Variants in MAN1A2 observed in about 807,000 individuals in gnomAD.
The protein encoded by MAN1A2 is mannosidase alpha class 1A member 2.
MAN1A2 carries 26 observed loss-of-function variants against 75.7 expected under a neutral mutation model. The observed-to-expected ratio is 0.34, with a 90% CI of 0.25 to 0.48. The LOEUF is 0.48. Among genes scored for constraint, MAN1A2 ranks in the 20% least tolerant of loss-of-function variants. The pLI is 0.99. For synonymous variants in MAN1A2, 247 were observed against 264.6 expected, an observed-to-expected ratio of 0.93 and a Z score of 0.65; for missense variants, 562 against 775.5, an observed-to-expected ratio of 0.72 and a Z score of 3.27.
intron 3 of MAN1A2, among the ~76,000 whole-genome samples, chr1:117,406,692 T>G (rs1647627843): frequency 6.6e-6 from 1 of 152,192 alleles, no homozygotes. Context: ...TCAGCCATTA[T>G]GTAATGAAAT....
chr1:117,443,879 T>C (rs1437372488), intron 6 of MAN1A2, among the ~76,000 whole-genome samples: 3 of 152,036 alleles, frequency 2.0e-5, no homozygotes, highest in Non-Finnish European at 4.4e-5. Flanking sequence ...CGATTATAGG[T>C]GTGAGCCACT....
chr1:117,473,817 G>C (rs1650233696), intron 8 of MAN1A2, among the ~76,000 whole-genome samples: 2 of 151,944 alleles, frequency 1.3e-5, no homozygotes, highest in Admixed American at 1.3e-4. Flanking sequence ...ATGTTTTATA[G>C]ATTTCTTCCA....
At chr1:117,475,020 T>C (rs574286752) in intron 8 of MAN1A2, among the ~76,000 whole-genome samples, 1 of 152,104 alleles carries the variant, frequency 6.6e-6, no homozygotes, top group South Asian at 2.1e-4. Flanking sequence ...ATATCAGTAG[T>C]TCTGAGTGGA....
chr1:117,493,411 G>T, intron 9 of MAN1A2, 149 bp downstream of exon 9: 1 of 483,216 alleles, frequency 2.1e-6, no homozygotes, highest in Non-Finnish European at 3.7e-6. Context: ...TGTAGAGTTT[G>T]TTACTATTTT....
In MAN1A2 at chr1:117,445,958, A is replaced by G. The variant is rs6677475; in HGVS notation, c.950+3633A>G. ...AGAAAATTTATATATAAATTTATAT[A>G]TATTTATATATGATATATAAACATA... On this transcript the variant is annotated intron_variant, in intron 6 of 12. Coordinates refer to ENST00000356554, the MANE Select transcript of MAN1A2 (RefSeq NM_006699.5). Among the ~76,000 whole-genome samples, 576 of 147,226 alleles carry G rather than the reference A, an allele frequency of 3.9e-3. 3 individuals carry two copies. Among genetic ancestry groups the G allele is most frequent in the Middle Eastern group, 0.018 (5 of 280 alleles).
chr1:117,510,587 TG>T (rs1235811689), intron 12 of MAN1A2, among the ~76,000 whole-genome samples: 3 of 152,096 alleles, frequency 2.0e-5, no homozygotes, highest in Admixed American at 6.6e-5. Context: ...TAGTGCTTTC[TG>T]GAATCCTTAA....
chr1:117,384,160 G>T (rs1233758838), intron 1 of MAN1A2, among the ~76,000 whole-genome samples: 1 of 151,998 alleles, frequency 6.6e-6, no homozygotes, highest in Non-Finnish European at 1.5e-5. Context: ...TTTGTCTGTT[G>T]TGCAGGTTAT....
intron 12 of MAN1A2, among the ~76,000 whole-genome samples, chr1:117,522,488 A>G (rs1651894795): frequency 6.6e-6 from 1 of 151,906 alleles, no homozygotes; most frequent in Non-Finnish European, 1.5e-5. Context: ...TGAAAAACCT[A>G]CAGCTAACAT....
In MAN1A2 at chr1:117,367,999, C is replaced by T. The variant is rs1463731630; in HGVS notation, c.-185C>T. 1 of 591,454 alleles carries T rather than the reference C, an allele frequency of 1.7e-6. No homozygotes were observed. The highest frequency in any genetic ancestry group is 3.1e-5 in the Admixed American group (1 of 31,994). The allele number at this position is 591,454 out of a possible 1,614,324, so 36.6% of individuals were successfully genotyped here. On this transcript the variant is annotated 5_prime_UTR_variant, in exon 1 of 13. Transcript: ENST00000356554. ...ACTTGTGATCGTTTGGGGGAGGTCA[C>T]ACACGTTTCTGAGTGGGAATGGATG...
chr1:117,507,451 C>G lies in MAN1A2; in HGVS notation c.1793+4481C>G, dbSNP rs956264709. Reference sequence around the variant, plus strand: ...CCTCTTTCTCAGTAAGTTTTTGGAACATATGCTCCATGAAAACTGGATATA... The same window carrying G: ...CCTCTTTCTCAGTAAGTTTTTGGAAGATATGCTCCATGAAAACTGGATATA... On this transcript the variant is annotated intron_variant, in intron 12 of 12. Transcript: ENST00000356554. Among the ~76,000 whole-genome samples the G allele has an allele frequency of 2.6e-5, 4 of 151,584 alleles. 1 individual carries two copies. Among genetic ancestry groups the G allele is most frequent in the African/African-American group, 9.7e-5 (4 of 41,332 alleles).
chr1:117,437,984 A>T (rs1051304051), intron 5 of MAN1A2, among the ~76,000 whole-genome samples: 1 of 152,252 alleles, frequency 6.6e-6, no homozygotes, highest in Admixed American at 6.5e-5. Context: ...AACAAATTTA[A>T]AACAAATTGT....
At chr1:117,473,961 G>A (rs12129406) in intron 8 of MAN1A2, among the ~76,000 whole-genome samples, 18,260 of 151,904 alleles carry the variant, frequency 0.12, 1,155 homozygotes, top group Non-Finnish European at 0.14. Flanking sequence ...CATTAATGAA[G>A]GAGTTATAAA....
At chr1:117,428,807 T>A (rs867550134) in intron 5 of MAN1A2, among the ~76,000 whole-genome samples, 1,638 of 123,406 alleles carry the variant, frequency 0.013, 19 homozygotes, top group Middle Eastern at 0.032. Context: ...TTTTTTTTTT[T>A]AAATTTATTT....
intron 1 of MAN1A2, among the ~76,000 whole-genome samples, chr1:117,370,219 C>T (rs765006394): frequency 1.3e-5 from 2 of 152,056 alleles, no homozygotes; most frequent in African/African-American, 2.4e-5. Context: ...CTATTGGGTT[C>T]CTGAGTTTGG....
At chr1:117,419,935 T>G (rs942438544) in intron 4 of MAN1A2, among the ~76,000 whole-genome samples, 5 of 152,024 alleles carry the variant, frequency 3.3e-5, no homozygotes, top group African/African-American at 7.2e-5. Flanking sequence ...TCAGGGAAAT[T>G]TATATATTGC....
intron 4 of MAN1A2, among the ~76,000 whole-genome samples, chr1:117,418,239 G>A (rs532015619): frequency 1.9e-3 from 293 of 152,232 alleles, no homozygotes; most frequent in African/African-American, 6.4e-3. Flanking sequence ...ACAAAACAGA[G>A]TTTTATCTCT....
intron 8 of MAN1A2, among the ~76,000 whole-genome samples, chr1:117,474,663 G>T (rs1650261664): frequency 6.6e-6 from 1 of 151,768 alleles, no homozygotes; most frequent in Admixed American, 6.6e-5. Flanking sequence ...ATATTCTTTG[G>T]TTTTGTTTAT....
chr1:117,383,396 A>G (rs867929546), intron 1 of MAN1A2, among the ~76,000 whole-genome samples: 18 of 152,140 alleles, frequency 1.2e-4, no homozygotes, highest in Admixed American at 3.3e-4. Flanking sequence ...ATCACTATTT[A>G]TAAGGGACAT....
intron 6 of MAN1A2, among the ~76,000 whole-genome samples, chr1:117,445,894 A>ATATATATG (rs1557953937): frequency 6.9e-6 from 1 of 144,112 alleles, no homozygotes; most frequent in African/African-American, 2.5e-5. Context: ...GTATATATAT[A>ATATATATG]TATATGTATA....
Sources: allele counts gnomAD v4.1 joint callset (sites outside exome capture counted in the v4.1 genomes callset), GRCh38; gene constraint gnomAD v4.1.1; transcripts MANE v1.5; gene names NCBI Gene and HGNC (gene_info 2026-07-23, HGNC 2026-07-21).